The following RFPL1 variants were observed in gnomAD, a reference collection of about 807,000 sequenced individuals.
RFPL1 encodes the protein ret finger protein like 1, also known as ret finger protein-like 1.
Under a neutral mutation model 9.6 loss-of-function variants are expected in RFPL1, and 6 were observed. That is an observed-to-expected ratio of 0.62 (90% CI 0.34 to 1.23). The LOEUF (loss-of-function observed/expected upper bound fraction) is 1.23, where lower values mean the gene tolerates loss of function less well. Ranked by LOEUF, RFPL1 falls within the 50% of genes most tolerant of loss-of-function variation. RFPL1 has a pLI of 0.03. For missense variants in RFPL1, 352 were observed against 398.4 expected, an observed-to-expected ratio of 0.88 and a Z score of 0.99; for synonymous variants, 145 against 149.4, an observed-to-expected ratio of 0.97 and a Z score of 0.22.
chr22:29,418,624 C>T, the RFPL1 span, among the ~76,000 whole-genome samples: 56 of 151,744 alleles, frequency 3.7e-4, no homozygotes, highest in Non-Finnish European at 6.5e-4. Flanking sequence ...CTCAGCCTCC[C>T]GAGTAGCTGA....
At chr22:29,413,559 C>A in the RFPL1 span, among the ~76,000 whole-genome samples, 2 of 152,110 alleles carry the variant, frequency 1.3e-5, no homozygotes, top group Non-Finnish European at 2.9e-5. Flanking sequence ...AAGCCAAACA[C>A]CATTTTATAT....
At chr22:29,400,609 C>A in the RFPL1 span, among the ~76,000 whole-genome samples, 6 of 152,228 alleles carry the variant, frequency 3.9e-5, no homozygotes, top group East Asian at 1.2e-3. Flanking sequence ...AAAGTATACT[C>A]ATCTTTATGG....
chr22:29,392,101 C>T, the RFPL1 span, among the ~76,000 whole-genome samples: 41 of 152,180 alleles, frequency 2.7e-4, no homozygotes, highest in African/African-American at 9.4e-4. Context: ...TTTGGTGAGC[C>T]GGGGTCTTGC....
chr22:29,426,140 T>A, the RFPL1 span, among the ~76,000 whole-genome samples: 1 of 151,582 alleles, frequency 6.6e-6, no homozygotes, highest in Non-Finnish European at 1.5e-5. Flanking sequence ...CTGGCTAACA[T>A]GGCCAAACCC....
chr22:29,410,586 T>TTGTAG, the RFPL1 span, among the ~76,000 whole-genome samples: 56 of 90,998 alleles, frequency 6.2e-4, no homozygotes, highest in African/African-American at 2.8e-3. Flanking sequence ...GATATATCTA[T>TTGTAG]CTATATATAG....
At position 29,439,186 on chromosome 22, in the gene RFPL1, C is replaced by T. The variant is rs187192838; in HGVS notation, c.373+22C>T. On this transcript the variant is annotated intron_variant, in intron 1 of 1. Transcript: ENST00000354373. ...CAAGGTGAGGGATCTGTATACACTG[C>T]CCCCTTCCTACGACCAGACCAGGAA... The T allele has an allele frequency of 2.7e-5, 44 of 1,603,632 alleles. No homozygotes were observed. In the East Asian group the frequency reaches 7.6e-4, roughly 28 times the overall value.
At chr22:29,389,928 A>G in the RFPL1 span, among the ~76,000 whole-genome samples, 1 of 151,682 alleles carries the variant, frequency 6.6e-6, no homozygotes, top group East Asian at 2.0e-4. Flanking sequence ...CCTCCCAAGT[A>G]ATTGGGATTA....
chr22:29,395,442 GCC>G, the RFPL1 span, among the ~76,000 whole-genome samples: 2 of 142,824 alleles, frequency 1.4e-5, no homozygotes, highest in Admixed American at 1.4e-4. Context: ...CATCCCTCCC[GCC>G]CAGCCCAGGC....
upstream of RFPL1, among the ~76,000 whole-genome samples, chr22:29,435,331 CTTG>C (rs111635069): frequency 8.9e-4 from 136 of 152,300 alleles, no homozygotes; most frequent in African/African-American, 3.0e-3. Context: ...GCAAATCTAT[CTTG>C]TTGTCTGTTC....
chr22:29,435,919 T>C (rs1268112943), upstream of RFPL1, among the ~76,000 whole-genome samples: 1 of 152,192 alleles, frequency 6.6e-6, no homozygotes, highest in African/African-American at 2.4e-5. Context: ...GAGGACATTA[T>C]GTTAAGCAAA....
chr22:29,436,562 T>G (rs1413924669), upstream of RFPL1: 1 of 148,306 alleles, frequency 6.7e-6, no homozygotes, highest in Non-Finnish European at 1.5e-5. Flanking sequence ...TTTGTGCCAC[T>G]GCACTCCAGC....
chr22:29,414,003 T>C, the RFPL1 span, among the ~76,000 whole-genome samples: 1 of 152,244 alleles, frequency 6.6e-6, no homozygotes, highest in Non-Finnish European at 1.5e-5. Context: ...GCACATAAAC[T>C]GTTTCTTCAA....
the RFPL1 span, among the ~76,000 whole-genome samples, chr22:29,394,622 G>A: frequency 1.3e-5 from 2 of 152,194 alleles, no homozygotes; most frequent in Non-Finnish European, 2.9e-5. Flanking sequence ...GATTACAGGC[G>A]TGAGCCACTG....
At position 29,441,713 on chromosome 22, in the gene RFPL1, G is replaced by A. The variant is rs140801070; in HGVS notation, c.545G>A (p.Trp182Ter). The change falls in exon 2 of 2, where the codon TGG (tryptophan) becomes TAG (stop). Residue 182 changes from tryptophan (W) to a stop codon, truncating the protein, a stop_gained. Transcript: ENST00000354373. LOFTEE classifies it low-confidence loss of function (END_TRUNC). ...CGCTTTACCTGTGGCCGCCACTACT[G>A]GGAGGTGGACGTGGGAACAAGCACA... The A allele has an allele frequency of 2.8e-4, 444 of 1,613,928 alleles. 1 individual carries two copies. The African/African-American group carries it at 5.3e-3, about 19-fold the overall frequency.
chr22:29,411,595 A>G, the RFPL1 span, among the ~76,000 whole-genome samples: 2 of 151,956 alleles, frequency 1.3e-5, no homozygotes, highest in African/African-American at 4.8e-5. Context: ...TTACCTTAAA[A>G]TTCAGACTTG....
rs150980053 is a variant in RFPL1, at chr22:29,441,704, G to A, written c.536G>A (p.Arg179His). Reference sequence around the variant, plus strand: ...GGCTCCCCTCGCTTTACCTGTGGCCGCCACTACTGGGAGGTGGACGTGGGA... The same window carrying A: ...GGCTCCCCTCGCTTTACCTGTGGCCACCACTACTGGGAGGTGGACGTGGGA... Residue 179 changes from arginine to histidine, a missense_variant, in exon 2 of 2, where the codon CGC becomes CAC. Physicochemically the swap from Arg to His is conservative, Grantham distance 29 (BLOSUM62 0). Transcript: ENST00000354373. 24 of 1,613,794 alleles carry A rather than the reference G, an allele frequency of 1.5e-5. No individual in the cohort carries two copies. In the East Asian group the frequency reaches 1.6e-4, roughly 10 times the overall value.
chr22:29,391,667 CA>C, the RFPL1 span, among the ~76,000 whole-genome samples: 1 of 152,164 alleles, frequency 6.6e-6, no homozygotes, highest in South Asian at 2.1e-4. Flanking sequence ...GGGAAGATGG[CA>C]TTTGCGCTGT....
chr22:29,401,966 C>T, the RFPL1 span, among the ~76,000 whole-genome samples: 1 of 152,178 alleles, frequency 6.6e-6, no homozygotes, highest in South Asian at 2.1e-4. Flanking sequence ...GACTGTTTCA[C>T]ACATGCAGTA....
chr22:29,432,157 C>T, the RFPL1 span, among the ~76,000 whole-genome samples: 2 of 152,228 alleles, frequency 1.3e-5, no homozygotes, highest in Admixed American at 6.5e-5. Context: ...ATTTGCAAGA[C>T]ATTAAGGGCT....
Sources: gnomAD v4.1 joint callset for allele counts (sites outside exome capture counted in the v4.1 genomes callset) on GRCh38, gnomAD v4.1.1 for gene constraint, MANE v1.5 for transcripts, NCBI Gene and HGNC (gene_info 2026-07-23, HGNC 2026-07-21) for gene names.